Variants in CNTNAP3B observed in about 807,000 individuals in gnomAD.
CNTNAP3B encodes contactin associated protein family member 3B.
Under a neutral mutation model 108.9 loss-of-function variants are expected in CNTNAP3B, and 25 were observed. The observed-to-expected ratio is 0.23, with a 90% CI of 0.17 to 0.32. The LOEUF is 0.32. Ranked by LOEUF, CNTNAP3B falls within the 10% of genes least tolerant of loss-of-function variation. The probability of loss-of-function intolerance (pLI) is 1.00; values close to 1 mark genes in which losing one functional copy is unlikely to be tolerated. For missense variants in CNTNAP3B, 252 were observed against 1,210.4 expected, an observed-to-expected ratio of 0.21 and a Z score of 11.75; for synonymous variants, 103 against 473.4, an observed-to-expected ratio of 0.22 and a Z score of 10.16.
intron 1 of CNTNAP3B, among the ~76,000 whole-genome samples, chr9:42,128,456 G>T (rs1271301495): frequency 7.3e-6 from 1 of 136,220 alleles, no homozygotes; most frequent in Non-Finnish European, 1.6e-5. Context: ...CCTGACAGGG[G>T]TGTTCAAGTG....
At chr9:41,950,678 T>TA (rs779739255) in intron 13 of CNTNAP3B, among the ~76,000 whole-genome samples, 260 of 150,258 alleles carry the variant, frequency 1.7e-3, no homozygotes, top group Non-Finnish European at 2.7e-3. Flanking sequence ...TCTTGAAGTT[T>TA]AAAAAAACCC....
chr9:42,018,738 G>A (rs1278230449), intron 3 of CNTNAP3B, among the ~76,000 whole-genome samples: 43 of 151,618 alleles, frequency 2.8e-4, no homozygotes. Flanking sequence ...GATGAACACA[G>A]GCTGCGAAGC....
intron 14 of CNTNAP3B, among the ~76,000 whole-genome samples, chr9:41,934,834 T>C (rs1176211969): frequency 2.0e-5 from 3 of 152,296 alleles, no homozygotes; most frequent in South Asian, 2.1e-4. Context: ...CTCGTATTTA[T>C]TATGATTATT....
In CNTNAP3B at chr9:41,963,714, G is replaced by A. The variant is rs1267905044; in HGVS notation, c.1756+824C>T. Among the ~76,000 whole-genome samples, 7 of 151,324 alleles carry A rather than the reference G, an allele frequency of 4.6e-5. No individual in the cohort carries two copies. The East Asian group carries it at 1.4e-3, about 29-fold the overall frequency. On this transcript the variant is annotated intron_variant, in intron 11 of 23. Coordinates refer to ENST00000377561, the MANE Select transcript of CNTNAP3B (RefSeq NM_001201380.3). ...GGGGCTGTGGGTGCTGCTGGTGCAT[G>A]GACCACCAATCAGGCATCCTGGAGC...
chr9:41,958,735 C>G (rs1824958590), intron 12 of CNTNAP3B, among the ~76,000 whole-genome samples: 1 of 151,150 alleles, frequency 6.6e-6, no homozygotes, highest in Non-Finnish European at 1.5e-5. Flanking sequence ...CAAAAGAAAA[C>G]AAAACACCAG....
intron 1 of CNTNAP3B, among the ~76,000 whole-genome samples, chr9:42,126,567 C>CTTTT (rs780785918): frequency 7.8e-6 from 1 of 127,614 alleles, no homozygotes; most frequent in African/African-American, 3.1e-5. Flanking sequence ...GTTTAGAGAG[C>CTTTT]TTTTTTTTTT....
At chr9:41,939,792 C>A (rs1297164798) in intron 13 of CNTNAP3B, among the ~76,000 whole-genome samples, 2 of 152,210 alleles carry the variant, frequency 1.3e-5, no homozygotes, top group African/African-American at 4.8e-5. Context: ...GAAACAGTAA[C>A]AAAAAGATGT....
At chr9:42,075,399 A>G (rs1218610308) in intron 3 of CNTNAP3B, among the ~76,000 whole-genome samples, 1 of 139,306 alleles carries the variant, frequency 7.2e-6, no homozygotes, top group Non-Finnish European at 1.5e-5. Flanking sequence ...TCACACTGTG[A>G]GCGGGCACCA....
chr9:41,939,168 C>A (rs1183139841), intron 13 of CNTNAP3B, among the ~76,000 whole-genome samples: 5 of 152,276 alleles, frequency 3.3e-5, no homozygotes, highest in Admixed American at 2.0e-4. Context: ...GGACTGACAG[C>A]ACATCACAGT....
chr9:41,924,727 C>G (rs868703248), intron 15 of CNTNAP3B, among the ~76,000 whole-genome samples: 1 of 151,772 alleles, frequency 6.6e-6, no homozygotes, highest in Non-Finnish European at 1.5e-5. Flanking sequence ...CAATCAAGAA[C>G]AAGAAGAAGC....
At chr9:41,936,147 C>A (rs1429550693) in intron 14 of CNTNAP3B, among the ~76,000 whole-genome samples, 1 of 152,306 alleles carries the variant, frequency 6.6e-6, no homozygotes, top group Non-Finnish European at 1.5e-5. Flanking sequence ...AGGTGTGGCA[C>A]TCGGCTGTAA....
rs1158497937 is a variant in CNTNAP3B at position 41,953,356 on chromosome 9, C to A, written c.1907G>T (p.Gly636Val). 1.9e-6 allele frequency: 3 copies of A among 1,551,832 alleles called. No individual in the cohort carries two copies. The Admixed American group carries it at 5.9e-5, about 30-fold the overall frequency. Residue 636 changes from glycine to valine, a missense_variant, in exon 13 of 24, where the codon GGT (glycine) becomes GTT (valine). Coordinates refer to ENST00000377561, the MANE Select transcript of CNTNAP3B (RefSeq NM_001201380.3). The part of the protein sequence containing the change: ...ADSAWTVVRH[G>V]GPDAVTLRGA... ...TCGGAGGGTCACCGCGTCGGGGCCA[C>A]CGTGCCGCACCACCGTCCACGCGGA...
intron 10 of CNTNAP3B, among the ~76,000 whole-genome samples, chr9:41,969,023 C>T (rs1475291952): frequency 6.6e-6 from 1 of 152,296 alleles, no homozygotes; most frequent in Non-Finnish European, 1.5e-5. Flanking sequence ...GTCTCGATCT[C>T]CTGACCTCGT....
chr9:41,940,460 G>A (rs1824303171), intron 13 of CNTNAP3B, among the ~76,000 whole-genome samples: 1 of 152,308 alleles, frequency 6.6e-6, no homozygotes, highest in South Asian at 2.1e-4. Context: ...AGGGCTGATA[G>A]AAAAGAATTG....
chr9:41,918,716 A>T (rs1020425244), intron 18 of CNTNAP3B, among the ~76,000 whole-genome samples: 26 of 144,694 alleles, frequency 1.8e-4, no homozygotes, highest in African/African-American at 5.3e-5. Flanking sequence ...TTCAAATTGC[A>T]CTTAGCAAAT....
chr9:42,112,413 G>A, intron 1 of CNTNAP3B, among the ~76,000 whole-genome samples: 1 of 139,090 alleles, frequency 7.2e-6, no homozygotes, highest in East Asian at 2.2e-4. Flanking sequence ...ATGGGGATGA[G>A]AGGGAACAGG....
chr9:42,113,198 G>A (rs1307539087), intron 1 of CNTNAP3B, among the ~76,000 whole-genome samples: 1 of 134,928 alleles, frequency 7.4e-6, no homozygotes. Flanking sequence ...TGGACAAAGA[G>A]ATCTGCTGGA....
rs1356971636 is a variant in CNTNAP3B, at chr9:42,098,789, T to C, written c.196+5840A>G. On this transcript the variant is annotated intron_variant, in intron 2 of 23. Transcript: ENST00000377561. Reference sequence around the variant, plus strand: ...CAGGCACAGATGGCTATTTTTTCTATTGAGTTGAGATAATTATTTGTGCTA... The same window carrying C: ...CAGGCACAGATGGCTATTTTTTCTACTGAGTTGAGATAATTATTTGTGCTA... 4.6e-5 allele frequency among the ~76,000 whole-genome samples: 6 copies of C among 130,308 alleles called. 2 individuals are homozygous for C. The highest frequency in any genetic ancestry group is 2.3e-4 in the Admixed American group (3 of 12,908). The allele number at this position is 130,308 out of a possible 152,430, so 85.5% of individuals were successfully genotyped here.
rs1824132850 is a variant in CNTNAP3B at position 41,935,582 on chromosome 9, T to A, written c.2237+2662A>T. Among the ~76,000 whole-genome samples, 5 of 152,406 alleles carry A rather than the reference T, an allele frequency of 3.3e-5. No individual in the cohort carries two copies. The South Asian group carries it at 1.0e-3, about 32-fold the overall frequency. The stretch of plus-strand genomic sequence containing the variant: ...TATAAACTGAAAAATCAATTTTATT[T>A]GAAAAATTAAAATAGAAATTGTAAT... On this transcript the variant is annotated intron_variant, in intron 14 of 23. Coordinates refer to ENST00000377561, the MANE Select transcript of CNTNAP3B (RefSeq NM_001201380.3).
Sources: gnomAD v4.1 joint callset for allele counts (sites outside exome capture counted in the v4.1 genomes callset) on GRCh38, gnomAD v4.1.1 for gene constraint, MANE v1.5 for transcripts, NCBI Gene and HGNC (gene_info 2026-07-23, HGNC 2026-07-21) for gene names.